Variants in ERC1 observed in about 807,000 individuals in gnomAD.
The protein encoded by ERC1 is ELKS/RAB6-interacting/CAST family member 1.
In ERC1, 56 loss-of-function variants were observed where a neutral mutation model predicts 132.0. The ratio of observed to expected loss-of-function variants is 0.42; its 90% CI spans 0.34 to 0.53. The LOEUF (loss-of-function observed/expected upper bound fraction) is 0.53. Ranked by LOEUF, ERC1 falls within the 20% of genes least tolerant of loss-of-function variation. ERC1 has a pLI of 0.03. For missense variants in ERC1, 1,202 were observed against 1,349.9 expected, an observed-to-expected ratio of 0.89 and a Z score of 1.72; for synonymous variants, 478 against 476.1, an observed-to-expected ratio of 1.00 and a Z score of -0.05.
intron 18 of ERC1, among the ~76,000 whole-genome samples, chr12:1,478,620 C>T (rs1300775642): frequency 2.6e-5 from 4 of 151,968 alleles, no homozygotes; most frequent in East Asian, 1.9e-4. Context: ...GGTGAAACCC[C>T]GTCTCTACTA....
intron 16 of ERC1, among the ~76,000 whole-genome samples, chr12:1,389,164 A>C (rs971639323): frequency 1.3e-5 from 2 of 152,188 alleles, no homozygotes; most frequent in African/African-American, 4.8e-5. Flanking sequence ...TAAAATGAGT[A>C]ATCAAGAAGA....
At chr12:1,012,411 T>C (rs1371712282) in intron 1 of ERC1, among the ~76,000 whole-genome samples, 2 of 151,934 alleles carry the variant, frequency 1.3e-5, no homozygotes, top group Non-Finnish European at 2.9e-5. Context: ...TTAAAATTCC[T>C]GTGCAGCTCT....
intron 16 of ERC1, chr12:1,386,832 C>G (rs779650080): frequency 1.3e-5 from 2 of 152,044 alleles, no homozygotes; most frequent in Non-Finnish European, 2.9e-5. Flanking sequence ...AGTAACTGCT[C>G]TACTGAATTC....
At chr12:1,425,940 C>G (rs1455817612) in intron 17 of ERC1, among the ~76,000 whole-genome samples, 1 of 152,112 alleles carries the variant, frequency 6.6e-6, no homozygotes, top group Non-Finnish European at 1.5e-5. Flanking sequence ...GATAACTATC[C>G]TACTTTTCTT....
intron 2 of ERC1, among the ~76,000 whole-genome samples, chr12:1,057,716 C>T (rs904662894): frequency 1.1e-4 from 16 of 151,224 alleles, no homozygotes; most frequent in Non-Finnish European, 2.1e-4. Flanking sequence ...CTGCCTCAGC[C>T]TCCTTAGTAG....
At chr12:1,095,633 G>T (rs1023276187) in intron 3 of ERC1, among the ~76,000 whole-genome samples, 7 of 152,240 alleles carry the variant, frequency 4.6e-5, no homozygotes, top group Admixed American at 3.9e-4. Context: ...CCAAAAAGGA[G>T]TGAAATAAAG....
chr12:1,138,204 A>ATATATATATTATATTATATATATAT (rs1949517147), intron 7 of ERC1, among the ~76,000 whole-genome samples: 1 of 123,330 alleles, frequency 8.1e-6, no homozygotes, highest in Non-Finnish European at 1.6e-5. Context: ...ATTATATATG[A>ATATATATATTATATTATATATATAT]TATATATTAT....
intron 16 of ERC1, among the ~76,000 whole-genome samples, chr12:1,398,727 A>T (rs901327261): frequency 2.6e-5 from 4 of 152,108 alleles, no homozygotes; most frequent in Non-Finnish European, 5.9e-5. Flanking sequence ...TGGAACTGGG[A>T]AGTCTAAGAT....
chr12:1,044,452 A>G (rs945500985), intron 2 of ERC1, among the ~76,000 whole-genome samples: 9 of 152,338 alleles, frequency 5.9e-5, no homozygotes, highest in African/African-American at 2.2e-4. Context: ...CAGTGTTTAC[A>G]TCTAAAGGGC....
chr12:1,114,343 A>G (rs1458893710), intron 6 of ERC1, among the ~76,000 whole-genome samples: 2 of 152,188 alleles, frequency 1.3e-5, no homozygotes, highest in African/African-American at 4.8e-5. Flanking sequence ...TTCATTTAAA[A>G]TATTTTCTTT....
At chr12:1,239,353 G>GC (rs920814337) in intron 13 of ERC1, among the ~76,000 whole-genome samples, 3 of 152,284 alleles carry the variant, frequency 2.0e-5, no homozygotes, top group Admixed American at 1.3e-4. Flanking sequence ...ACTGTGCCTG[G>GC]CCCTATGGAT....
intron 2 of ERC1, among the ~76,000 whole-genome samples, chr12:1,055,983 A>AAAAAT (rs1972875244): frequency 6.6e-6 from 1 of 152,102 alleles, no homozygotes; most frequent in African/African-American, 2.4e-5. Flanking sequence ...CCTGTCTCTA[A>AAAAAT]AAAATAAAAT....
intron 17 of ERC1, chr12:1,410,276 A>C: frequency 4.8e-6 from 2 of 412,762 alleles, no homozygotes; most frequent in Non-Finnish European, 9.4e-6. Context: ...GAGAGAGTCA[A>C]GAAATTCTCT....
chr12:1,117,291 G>A lies in ERC1; in HGVS notation c.1569+1258G>A, dbSNP rs200097814. Among the ~76,000 whole-genome samples the A allele has an allele frequency of 1.2e-4, 19 of 152,272 alleles. No homozygotes were observed. The East Asian group carries it at 2.9e-3, about 23-fold the overall frequency. The stretch of plus-strand genomic sequence containing the variant: ...TAGAAGACAAGAATCTTCCAATAAG[G>A]AAGAATGAAGAAGGAACCTAAACTG... On this transcript the variant is annotated intron_variant, in intron 7 of 18. Coordinates refer to ENST00000360905, the MANE Select transcript of ERC1 (RefSeq NM_178040.4).
At chr12:1,000,706 T>G (rs1180316923) in intron 1 of ERC1, among the ~76,000 whole-genome samples, 2 of 152,080 alleles carry the variant, frequency 1.3e-5, no homozygotes, top group Non-Finnish European at 2.9e-5. Flanking sequence ...CAGGTTGCAG[T>G]GAGCCAAAAT....
chr12:1,280,211 A>C (rs950192666), intron 14 of ERC1, among the ~76,000 whole-genome samples: 1 of 152,232 alleles, frequency 6.6e-6, no homozygotes, highest in East Asian at 1.9e-4. Flanking sequence ...TACGGCTGAA[A>C]GTAAAGCCTT....
intron 15 of ERC1, among the ~76,000 whole-genome samples, chr12:1,362,900 C>T (rs1385672712): frequency 2.6e-5 from 4 of 152,138 alleles, no homozygotes; most frequent in Non-Finnish European, 5.9e-5. Flanking sequence ...GGTTAAAAAA[C>T]GTGCTTATAC....
intron 18 of ERC1, among the ~76,000 whole-genome samples, chr12:1,477,539 A>G (rs1176563214): frequency 6.6e-6 from 1 of 152,174 alleles, no homozygotes; most frequent in Non-Finnish European, 1.5e-5. Context: ...GGGGGCCTCT[A>G]GGGCAGACAG....
intron 2 of ERC1, among the ~76,000 whole-genome samples, chr12:1,069,891 A>G (rs567310281): frequency 1.1e-4 from 17 of 152,346 alleles, no homozygotes. Flanking sequence ...TGGAAAAAGA[A>G]TTGTGAACCC....
Sources: gnomAD v4.1 joint callset for allele counts (sites outside exome capture counted in the v4.1 genomes callset) on GRCh38, gnomAD v4.1.1 for gene constraint, MANE v1.5 for transcripts, NCBI Gene and HGNC (gene_info 2026-07-23, HGNC 2026-07-21) for gene names.